The following VAPB variants were observed in gnomAD, a reference collection of about 807,000 sequenced individuals.
VAPB encodes vesicle-associated membrane protein-associated protein B/C.
VAPB carries 7 observed loss-of-function variants against 25.6 expected under a neutral mutation model. That is an observed-to-expected ratio of 0.27 (90% CI 0.16 to 0.51). The LOEUF is 0.51. Among genes scored for constraint, VAPB ranks in the 20% least tolerant of loss-of-function variants. The pLI, the probability that VAPB is intolerant of heterozygous loss-of-function variation, is 0.97. For synonymous variants in VAPB, 112 were observed against 109.2 expected (o/e 1.03, Z -0.16); for missense variants, 266 against 301.3 (o/e 0.88, Z 0.87).
At chr20:58,410,224 A>G (rs529855688) in intron 1 of VAPB, among the ~76,000 whole-genome samples, 2 of 152,228 alleles carry the variant, frequency 1.3e-5, no homozygotes, top group South Asian at 4.2e-4. Context: ...TTGACATGTC[A>G]TTGTTAGCCA....
chr20:58,441,802 T>A (rs1443188382), intron 5 of VAPB, among the ~76,000 whole-genome samples: 3 of 152,266 alleles, frequency 2.0e-5, no homozygotes, highest in Non-Finnish European at 4.4e-5. Context: ...ATACTCTGTT[T>A]TAATGCAAGT....
At chr20:58,433,084 C>T (rs933341377) in intron 2 of VAPB, among the ~76,000 whole-genome samples, 1 of 152,160 alleles carries the variant, frequency 6.6e-6, no homozygotes, top group Non-Finnish European at 1.5e-5. Context: ...AAGAGTGCTA[C>T]TGCATCCCTA....
chr20:58,417,427 ATTG>A (rs1411252131), intron 1 of VAPB, among the ~76,000 whole-genome samples: 1 of 152,174 alleles, frequency 6.6e-6, no homozygotes, highest in African/African-American at 2.4e-5. Flanking sequence ...TACATCTTTT[ATTG>A]TTTGGTTTAA....
chr20:58,422,734 C>A (rs2123066085), intron 2 of VAPB, among the ~76,000 whole-genome samples: 1 of 152,054 alleles, frequency 6.6e-6, no homozygotes, highest in African/African-American at 2.4e-5. Flanking sequence ...ACTTATGCTT[C>A]CTGTAATATG....
At chr20:58,433,332 G>A (rs551392510) in intron 2 of VAPB, among the ~76,000 whole-genome samples, 15 of 152,194 alleles carry the variant, frequency 9.9e-5, no homozygotes, top group Non-Finnish European at 1.9e-4. Flanking sequence ...TTCTTCATTT[G>A]TAGACCACGG....
In VAPB at chr20:58,444,910, A is replaced by T. The variant is rs1223024472; in HGVS notation, c.*675A>T. On this transcript the variant is annotated 3_prime_UTR_variant, in exon 6 of 6. Transcript: ENST00000475243. ...AAATTTGTATTGGTTCATGTAGTGA[A>T]GTCAAACTGTTATTCAGAGATGTTT... 8 of 454,610 alleles carry T rather than the reference A, an allele frequency of 1.8e-5. No individual in the cohort carries two copies. In the East Asian group the frequency reaches 5.6e-4, roughly 32 times the overall value. 28.2% of individuals were successfully genotyped at this position (454,610 alleles called of 1,614,324 possible).
chr20:58,440,762 T>A (rs1256430128), intron 4 of VAPB, 145 bp from the exon 5 acceptor site: 1 of 725,790 alleles, frequency 1.4e-6, no homozygotes, highest in Non-Finnish European at 2.3e-6. Context: ...GATAAAGTAA[T>A]CCATTTTTAA....
intron 1 of VAPB, among the ~76,000 whole-genome samples, chr20:58,395,693 G>A (rs1431126894): frequency 1.3e-5 from 2 of 152,156 alleles, no homozygotes; most frequent in African/African-American, 4.8e-5. Context: ...TTTCCAGATT[G>A]GCATCCTTGT....
At chr20:58,436,317 G>GTT (rs977011814) in intron 3 of VAPB, among the ~76,000 whole-genome samples, 5 of 124,366 alleles carry the variant, frequency 4.0e-5, no homozygotes, top group African/African-American at 1.5e-4. Flanking sequence ...AGAGCTTTGT[G>GTT]TTTTTCTTCC....
chr20:58,394,711 A>AC (rs1207265785), intron 1 of VAPB, among the ~76,000 whole-genome samples: 37 of 152,054 alleles, frequency 2.4e-4, no homozygotes, highest in African/African-American at 8.4e-4. Flanking sequence ...CCACCTATTC[A>AC]CTCCTTTTTC....
intron 1 of VAPB, among the ~76,000 whole-genome samples, chr20:58,396,075 G>A (rs184765378): frequency 3.3e-5 from 5 of 152,210 alleles, no homozygotes; most frequent in Admixed American, 3.3e-4. Flanking sequence ...GGAAGCAGTT[G>A]AGAAAATGGC....
At chr20:58,414,960 C>T (rs527414503) in intron 1 of VAPB, among the ~76,000 whole-genome samples, 40 of 152,382 alleles carry the variant, frequency 2.6e-4, no homozygotes, top group African/African-American at 9.1e-4. Flanking sequence ...AACGAGACTC[C>T]GCCTGCAATC....
chr20:58,424,445 A>G (rs1988741675), intron 2 of VAPB, among the ~76,000 whole-genome samples: 1 of 152,004 alleles, frequency 6.6e-6, no homozygotes, highest in Non-Finnish European at 1.5e-5. Context: ...GGGAGCTGGA[A>G]TTCCTTAAGC....
intron 2 of VAPB, among the ~76,000 whole-genome samples, chr20:58,427,053 T>C (rs1380289727): frequency 6.6e-6 from 1 of 151,922 alleles, no homozygotes; most frequent in Non-Finnish European, 1.5e-5. Flanking sequence ...CTGTTACCAT[T>C]ATGATGCAGA....
chr20:58,415,269 C>T (rs1988511399), intron 1 of VAPB, among the ~76,000 whole-genome samples: 1 of 152,226 alleles, frequency 6.6e-6, no homozygotes, highest in East Asian at 1.9e-4. Context: ...TATCTAAATA[C>T]CTTTTACAGC....
intron 1 of VAPB, among the ~76,000 whole-genome samples, chr20:58,409,836 A>G (rs1361790128): frequency 6.6e-6 from 1 of 152,068 alleles, no homozygotes. Context: ...TTGTGAAACC[A>G]GAATTTCATG....
At chr20:58,409,896 T>C (rs1259499692) in intron 1 of VAPB, among the ~76,000 whole-genome samples, 2 of 127,820 alleles carry the variant, frequency 1.6e-5, no homozygotes, top group Non-Finnish European at 3.4e-5. Flanking sequence ...AAAGAATCTT[T>C]ATTCATATAC....
intron 2 of VAPB, among the ~76,000 whole-genome samples, chr20:58,421,974 G>A (rs1988678588): frequency 1.3e-5 from 2 of 152,070 alleles, no homozygotes; most frequent in Non-Finnish European, 2.9e-5. Context: ...TTCAGAACAC[G>A]GCAGATCACT....
At chr20:58,402,359 T>A (rs565822126) in intron 1 of VAPB, among the ~76,000 whole-genome samples, 7 of 152,232 alleles carry the variant, frequency 4.6e-5, no homozygotes, top group African/African-American at 1.7e-4. Context: ...ATTAGTTGAT[T>A]CCTTTTCCTC....
Sources: gnomAD v4.1 joint callset for allele counts (sites outside exome capture counted in the v4.1 genomes callset) on GRCh38, gnomAD v4.1.1 for gene constraint, MANE v1.5 for transcripts, NCBI Gene and HGNC (gene_info 2026-07-23, HGNC 2026-07-21) for gene names.